The following TLN2 variants were observed in gnomAD, a reference collection of about 807,000 sequenced individuals.
TLN2 encodes talin 2.
A neutral mutation model predicts 294.7 loss-of-function variants in TLN2; 118 were observed. The observed-to-expected ratio is 0.40, with a 90% CI of 0.34 to 0.47. TLN2 has a LOEUF of 0.47. Among genes scored for constraint, TLN2 ranks in the 20% least tolerant of loss-of-function variants. The probability of loss-of-function intolerance (pLI) is 0.84; values close to 1 mark genes in which losing one functional copy is unlikely to be tolerated. For missense variants in TLN2, 3,083 were observed against 3,282.2 expected (o/e 0.94, Z 1.48); for synonymous variants, 1,431 against 1,304.5 (o/e 1.10, Z -2.09).
intron 1 of TLN2, among the ~76,000 whole-genome samples, chr15:62,468,111 A>G (rs1409754866): frequency 6.6e-6 from 1 of 150,648 alleles, no homozygotes; most frequent in Admixed American, 6.6e-5. Flanking sequence ...GCTTAAATAA[A>G]TTTAATTTAT....
intron 3 of TLN2, chr15:62,645,213 CT>C (rs756767820): frequency 6.5e-6 from 1 of 153,044 alleles, no homozygotes; most frequent in African/African-American, 2.4e-5. Flanking sequence ...GTGGAGGAAG[CT>C]TTTACATATG....
At chr15:62,818,791 G>A (rs1026295702) in intron 52 of TLN2, among the ~76,000 whole-genome samples, 1 of 150,776 alleles carries the variant, frequency 6.6e-6, no homozygotes, top group Non-Finnish European at 1.5e-5. Context: ...AGTACTGATT[G>A]GCCCATAGCT....
intron 1 of TLN2, among the ~76,000 whole-genome samples, chr15:62,562,028 A>C (rs935838913): frequency 6.6e-6 from 1 of 151,932 alleles, no homozygotes; most frequent in African/African-American, 2.4e-5. Flanking sequence ...TTCCTTTTCA[A>C]CTTATAAGCT....
chr15:62,582,686 C>G lies in TLN2; in HGVS notation c.-237-7001C>G, dbSNP rs1022976894. ...TTAGTGGTGGTAGAGCACAGACTCCCAGGGCACGCCAGGCAGGAGGTGAGG... is the reference window on the plus strand; with the variant it reads ...TTAGTGGTGGTAGAGCACAGACTCCGAGGGCACGCCAGGCAGGAGGTGAGG... On this transcript the variant is annotated intron_variant, in intron 1 of 58. Coordinates refer to ENST00000636159, the MANE Select transcript of TLN2 (RefSeq NM_015059.3). Among the ~76,000 whole-genome samples the G allele has an allele frequency of 3.3e-5, 5 of 152,110 alleles. No individual in the cohort carries two copies. The South Asian group carries it at 6.2e-4, about 19-fold the overall frequency.
chr15:62,754,194 C>T (rs774032266), intron 36 of TLN2: 11 of 302,158 alleles, frequency 3.6e-5, no homozygotes, highest in South Asian at 7.3e-5. Flanking sequence ...TTTCAGGGGA[C>T]GTGAATTGAG....
chr15:62,749,448 A>G (rs1257261720), intron 33 of TLN2, among the ~76,000 whole-genome samples: 1 of 152,244 alleles, frequency 6.6e-6, no homozygotes, highest in Non-Finnish European at 1.5e-5. Context: ...CCTTATTGAT[A>G]TCCTTGGTTG....
intron 1 of TLN2, among the ~76,000 whole-genome samples, chr15:62,549,484 C>G (rs184451778): frequency 1.3e-4 from 16 of 118,944 alleles, no homozygotes; most frequent in South Asian, 2.5e-4. Context: ...TGCCATGCAT[C>G]CATCCATCCA....
intron 3 of TLN2, among the ~76,000 whole-genome samples, chr15:62,624,365 C>A (rs1386463377): frequency 6.6e-6 from 1 of 152,180 alleles, no homozygotes; most frequent in East Asian, 1.9e-4. Flanking sequence ...ATAGAGTAAA[C>A]CTCCACTGCC....
At chr15:62,403,684 C>G (rs917797820) in intron 1 of TLN2, among the ~76,000 whole-genome samples, 5 of 152,196 alleles carry the variant, frequency 3.3e-5, no homozygotes, top group African/African-American at 1.2e-4. Context: ...ATGTCACAAT[C>G]TGGTTCTCCT....
chr15:62,657,170 A>G (rs1159404705), intron 8 of TLN2, among the ~76,000 whole-genome samples: 1 of 149,986 alleles, frequency 6.7e-6, no homozygotes, highest in Non-Finnish European at 1.5e-5. Flanking sequence ...GGGAAGCAAC[A>G]GCAGTGATGG....
chr15:62,457,320 A>T (rs2140332299), intron 1 of TLN2, among the ~76,000 whole-genome samples: 1 of 152,298 alleles, frequency 6.6e-6, no homozygotes, highest in East Asian at 1.9e-4. Context: ...TTAACAGGGC[A>T]CTAACCTCAT....
chr15:62,769,175 T>A (rs1001965940), intron 41 of TLN2, among the ~76,000 whole-genome samples: 1 of 152,236 alleles, frequency 6.6e-6, no homozygotes, highest in African/African-American at 2.4e-5. Flanking sequence ...AGAAAACATA[T>A]AAGATTCTAA....
chr15:62,551,462 G>A (rs561144323), intron 1 of TLN2, among the ~76,000 whole-genome samples: 3 of 152,056 alleles, frequency 2.0e-5, no homozygotes, highest in South Asian at 4.2e-4. Flanking sequence ...ATGAGGTCAG[G>A]AGTTTGAGAC....
chr15:62,837,283 C>A (rs896306517), intron 57 of TLN2, among the ~76,000 whole-genome samples: 2 of 152,118 alleles, frequency 1.3e-5, no homozygotes, highest in African/African-American at 4.8e-5. Context: ...GCTGCATGTT[C>A]GTTTGTGAAT....
intron 44 of TLN2, among the ~76,000 whole-genome samples, chr15:62,783,519 C>T (rs975119306): frequency 2.6e-5 from 4 of 152,234 alleles, no homozygotes; most frequent in Non-Finnish European, 2.9e-5. Context: ...CCACTGGGCC[C>T]GGCCAGAATC....
chr15:62,627,166 T>A (rs983584397), intron 3 of TLN2, among the ~76,000 whole-genome samples: 5 of 152,144 alleles, frequency 3.3e-5, no homozygotes, highest in African/African-American at 1.2e-4. Flanking sequence ...GCTAATGCAG[T>A]TCTAGTAGTT....
At chr15:62,786,694 T>G (rs2064689886) in intron 45 of TLN2, among the ~76,000 whole-genome samples, 1 of 151,660 alleles carries the variant, frequency 6.6e-6, no homozygotes, top group South Asian at 2.1e-4. Context: ...ACCACAGCCC[T>G]TTCCCCCAGA....
chr15:62,826,796 G>A (rs559048490), intron 54 of TLN2, among the ~76,000 whole-genome samples: 1 of 152,312 alleles, frequency 6.6e-6, no homozygotes, highest in South Asian at 2.1e-4. Context: ...TGTTGTGGGA[G>A]TTCTAGACAC....
intron 1 of TLN2, among the ~76,000 whole-genome samples, chr15:62,442,826 G>A (rs1277817555): frequency 6.6e-6 from 1 of 152,184 alleles, no homozygotes; most frequent in African/African-American, 2.4e-5. Flanking sequence ...CTAAACTCAA[G>A]GTGTCAGCAG....
Sources: gnomAD v4.1 joint callset for allele counts (sites outside exome capture counted in the v4.1 genomes callset) on GRCh38, gnomAD v4.1.1 for gene constraint, MANE v1.5 for transcripts, NCBI Gene and HGNC (gene_info 2026-07-23, HGNC 2026-07-21) for gene names.